B4GALT5: variants seen among roughly 807,000 people sequenced by gnomAD.
The protein encoded by B4GALT5 is UDP-Gal:beta-GlcNAc beta-1,4-galactosyltransferase 5.
B4GALT5 carries 11 observed loss-of-function variants against 45.0 expected under a neutral mutation model. The observed-to-expected ratio is 0.24, with a 90% confidence interval of 0.15 to 0.40. B4GALT5 has a LOEUF of 0.40. B4GALT5 is among the 10% of genes least tolerant of loss of function. The probability of loss-of-function intolerance (pLI) is 1.00; values close to 1 mark genes in which losing one functional copy is unlikely to be tolerated. For synonymous variants in B4GALT5, 185 were observed against 182.9 expected (o/e 1.01, Z -0.09); for missense variants, 337 against 500.2 (o/e 0.67, Z 3.11).
At position 49,635,669 on chromosome 20, in the gene B4GALT5, A is replaced by G. The variant is rs970328328; in HGVS notation, c.*643T>C. The G allele has an allele frequency of 7.2e-5, 11 of 152,644 alleles. No individual in the cohort carries two copies. Among genetic ancestry groups the G allele is most frequent in the African/African-American group, 2.7e-4 (11 of 41,468 alleles). 9.5% of individuals were successfully genotyped at this position (152,644 alleles called of 1,614,324 possible). On this transcript the variant is annotated 3_prime_UTR_variant, in exon 9 of 9. Transcript: ENST00000371711. Reference sequence around the variant, plus strand: ...GGAGCCAGCTAGAAAATTAAATTTTAAAAAGGCATTTTACATGGCTTATTT... The same window carrying G: ...GGAGCCAGCTAGAAAATTAAATTTTGAAAAGGCATTTTACATGGCTTATTT...
intron 1 of B4GALT5, among the ~76,000 whole-genome samples, chr20:49,692,856 G>A (rs1283142753): frequency 1.3e-5 from 2 of 152,200 alleles, no homozygotes; most frequent in African/African-American, 4.8e-5. Context: ...CGATTCTTCA[G>A]ATCCTGTTGT....
intron 2 of B4GALT5, among the ~76,000 whole-genome samples, chr20:49,653,483 AC>A (rs2085630454): frequency 6.6e-6 from 1 of 152,276 alleles, no homozygotes; most frequent in Non-Finnish European, 1.5e-5. Flanking sequence ...TGTATAAGGT[AC>A]TAAGGATACA....
intron 1 of B4GALT5, among the ~76,000 whole-genome samples, chr20:49,700,790 G>A (rs1316993440): frequency 6.6e-6 from 1 of 152,218 alleles, no homozygotes; most frequent in Non-Finnish European, 1.5e-5. Context: ...GCAGGATGGT[G>A]AAAGATTTCA....
chr20:49,639,101 AAC>A (rs1440646210), intron 7 of B4GALT5, among the ~76,000 whole-genome samples: 9 of 152,210 alleles, frequency 5.9e-5, no homozygotes, highest in Non-Finnish European at 1.0e-4. Flanking sequence ...CCACTTTTTA[AAC>A]ACAAAATAAA....
intron 1 of B4GALT5, among the ~76,000 whole-genome samples, chr20:49,684,952 C>G (rs543007430): frequency 6.6e-6 from 1 of 152,230 alleles, no homozygotes; most frequent in Non-Finnish European, 1.5e-5. Context: ...TTGTATAAGC[C>G]TTTCAGTTTA....
chr20:49,710,320 C>T (rs1484789254), intron 1 of B4GALT5, among the ~76,000 whole-genome samples: 2 of 151,878 alleles, frequency 1.3e-5, no homozygotes, highest in Non-Finnish European at 2.9e-5. Context: ...CTACATGAAA[C>T]TGCTGATATA....
chr20:49,708,883 G>A (rs1023102622), intron 1 of B4GALT5, among the ~76,000 whole-genome samples: 5 of 149,078 alleles, frequency 3.4e-5, no homozygotes, highest in African/African-American at 1.2e-4. Context: ...AGTGAGCTGA[G>A]ATTGCGCCAC....
At chr20:49,712,440 AT>A (rs1453222964) in intron 1 of B4GALT5, among the ~76,000 whole-genome samples, 5 of 151,196 alleles carry the variant, frequency 3.3e-5, no homozygotes, top group African/African-American at 9.7e-5. Context: ...CTGTGGTCTT[AT>A]AAAAGACTAT....
At chr20:49,695,094 G>GT (rs1417034317) in intron 1 of B4GALT5, among the ~76,000 whole-genome samples, 1 of 144,278 alleles carries the variant, frequency 6.9e-6, no homozygotes, top group Admixed American at 6.8e-5. Context: ...TTTTCATTAG[G>GT]TTCTTTTTTT....
At chr20:49,648,731 CT>C (rs1376689066) in intron 2 of B4GALT5, among the ~76,000 whole-genome samples, 1 of 152,096 alleles carries the variant, frequency 6.6e-6, no homozygotes, top group African/African-American at 2.4e-5. Flanking sequence ...TGGCAGATGT[CT>C]TTTTCCTAGG....
chr20:49,655,153 G>A (rs891674851), intron 2 of B4GALT5, among the ~76,000 whole-genome samples: 10 of 151,630 alleles, frequency 6.6e-5, no homozygotes, highest in Admixed American at 3.3e-4. Context: ...AAAAAAGCTC[G>A]GGCACAGTGG....
chr20:49,691,224 A>G (rs954142794), intron 1 of B4GALT5, among the ~76,000 whole-genome samples: 17 of 152,180 alleles, frequency 1.1e-4, no homozygotes, highest in Non-Finnish European at 1.9e-4. Context: ...TCCTATATCA[A>G]GTACATGCCA....
intron 1 of B4GALT5, among the ~76,000 whole-genome samples, chr20:49,668,782 T>TC (rs1568724427): frequency 6.6e-6 from 1 of 151,924 alleles, no homozygotes; most frequent in African/African-American, 2.4e-5. Context: ...CCAATCCCTG[T>TC]CCCTGAATTG....
At chr20:49,649,718 A>C (rs2085613457) in intron 2 of B4GALT5, among the ~76,000 whole-genome samples, 1 of 152,252 alleles carries the variant, frequency 6.6e-6, no homozygotes, top group Non-Finnish European at 1.5e-5. Context: ...CTACTTCAAA[A>C]ATCTATGTGA....
chr20:49,640,983 C>T (rs113643949), intron 5 of B4GALT5, among the ~76,000 whole-genome samples: 3,547 of 152,256 alleles, frequency 0.023, 161 homozygotes, highest in African/African-American at 0.082. Flanking sequence ...GGCGTAGTGG[C>T]GCATGCCTGT....
chr20:49,635,116 GAC>G lies in B4GALT5; in HGVS notation c.*1194_*1195del, dbSNP rs956666341. On this transcript the variant is annotated 3_prime_UTR_variant, in exon 9 of 9. Coordinates refer to ENST00000371711, the MANE Select transcript of B4GALT5 (RefSeq NM_004776.4). ...AGAATCTTTCCAGAAACCAAAAAGG[GAC>G]ACAGAGGAATCACTGAAGCCAGCTG... 6.6e-6 allele frequency: 1 copy of G among 152,198 alleles called. No individual in the cohort carries two copies. Among genetic ancestry groups the G allele is most frequent in the Non-Finnish European group, 1.5e-5 (1 of 68,054 alleles). The allele number at this position is 152,198 out of a possible 1,614,324, so 9.4% of individuals were successfully genotyped here.
chr20:49,647,204 CT>C (rs1247086652), intron 2 of B4GALT5, 126 bp from the exon 3 acceptor site: 1 of 591,828 alleles, frequency 1.7e-6, no homozygotes, highest in Non-Finnish European at 3.0e-6. Flanking sequence ...GGACTCTGGA[CT>C]ACCGCTTTGA....
chr20:49,640,325 C>A (rs893757121), intron 6 of B4GALT5, among the ~76,000 whole-genome samples, 153 bp downstream of exon 6: 5 of 152,182 alleles, frequency 3.3e-5, no homozygotes, highest in African/African-American at 1.2e-4. Flanking sequence ...CTTTCTCCTG[C>A]CAAACAGTGC....
In B4GALT5 at chr20:49,643,679, G is replaced by A. The variant is rs746989324; in HGVS notation, c.365-29C>T. The A allele has an allele frequency of 3.1e-6, 5 of 1,603,054 alleles. No homozygotes were observed. The Admixed American group carries it at 8.4e-5, about 27-fold the overall frequency. ...AACAGAGACGGGGAAAAGGGATTAA[G>A]AGGTCAGAAAATGATAGGTTTCCCT... On this transcript the variant is annotated intron_variant, in intron 3 of 8. Coordinates refer to ENST00000371711, the MANE Select transcript of B4GALT5 (RefSeq NM_004776.4).
Sources: allele counts gnomAD v4.1 joint callset (sites outside exome capture counted in the v4.1 genomes callset), GRCh38; gene constraint gnomAD v4.1.1; transcripts MANE v1.5; gene names NCBI Gene and HGNC (gene_info 2026-07-23, HGNC 2026-07-21).